Variants in ADGRL3 observed in about 807,000 individuals in gnomAD.
ADGRL3 encodes calcium-independent alpha-latrotoxin receptor 3.
A neutral mutation model predicts 153.5 loss-of-function variants in ADGRL3; 62 were observed. The ratio of observed to expected loss-of-function variants is 0.40; its 90% CI spans 0.33 to 0.50. The LOEUF is 0.50. Ranked by LOEUF, ADGRL3 falls within the 20% of genes least tolerant of loss-of-function variation. The pLI is 0.47. For missense variants in ADGRL3, 1,641 were observed against 1,859.4 expected, an observed-to-expected ratio of 0.88 and a Z score of 2.16; for synonymous variants, 710 against 672.5, an observed-to-expected ratio of 1.06 and a Z score of -0.86.
At chr4:61,997,849 C>T (rs958688380) in intron 20 of ADGRL3, among the ~76,000 whole-genome samples, 3 of 151,974 alleles carry the variant, frequency 2.0e-5, no homozygotes, top group African/African-American at 7.3e-5. Context: ...AGTAACACAC[C>T]TAAAAAAGTA....
intron 1 of ADGRL3, among the ~76,000 whole-genome samples, chr4:61,214,549 T>C (rs1472463067): frequency 1.3e-5 from 2 of 152,200 alleles, no homozygotes; most frequent in Non-Finnish European, 2.9e-5. Context: ...GTCAGAAAAG[T>C]AATTAAACAG....
chr4:61,342,953 G>A (rs2095836070), intron 1 of ADGRL3, among the ~76,000 whole-genome samples: 2 of 152,106 alleles, frequency 1.3e-5, no homozygotes. Flanking sequence ...CAATCATGGT[G>A]GAAGACAAAG....
chr4:61,903,650 C>CAAAAAAAAAAAAAAAAAA (rs55879235), intron 11 of ADGRL3, among the ~76,000 whole-genome samples: 3 of 72,340 alleles, frequency 4.1e-5, no homozygotes, highest in Admixed American at 5.0e-4. Flanking sequence ...TGGGAAACAG[C>CAAAAAAAAAAAAAAAAAA]AAAAAAAAAA....
chr4:61,515,513 G>C (rs1327612451), intron 3 of ADGRL3, among the ~76,000 whole-genome samples: 1 of 151,810 alleles, frequency 6.6e-6, no homozygotes. Flanking sequence ...GTAGCTTTGT[G>C]GTCTGTTTTC....
rs1358209774 is a variant in ADGRL3, at chr4:62,076,814, ACAC to A, written c.*5909_*5911del. The A allele has an allele frequency of 6.6e-6, 1 of 151,830 alleles. No homozygotes were observed. Among genetic ancestry groups the A allele is most frequent in the Non-Finnish European group, 1.5e-5 (1 of 67,840 alleles). 9.4% of individuals were successfully genotyped at this position (151,830 alleles called of 1,614,324 possible). On this transcript the variant is annotated 3_prime_UTR_variant, in exon 27 of 27. Coordinates refer to ENST00000683033, the MANE Select transcript of ADGRL3 (RefSeq NM_001387552.1). ...CTCTCTAATCTGCTGGCTCTATTGA[ACAC>A]CAACAGAGTTAATGCTTTTAGTAGC...
chr4:61,216,890 ACT>A (rs1743048493), intron 1 of ADGRL3, among the ~76,000 whole-genome samples: 1 of 152,176 alleles, frequency 6.6e-6, no homozygotes, highest in Admixed American at 6.5e-5. Flanking sequence ...CTTATTGCAC[ACT>A]GTCTAGATTT....
At chr4:61,625,619 C>G (rs2092787104) in intron 5 of ADGRL3, among the ~76,000 whole-genome samples, 1 of 152,008 alleles carries the variant, frequency 6.6e-6, no homozygotes, top group Non-Finnish European at 1.5e-5. Flanking sequence ...TGTCCCTTCA[C>G]ATACCTTAGA....
intron 1 of ADGRL3, among the ~76,000 whole-genome samples, chr4:61,290,153 C>T (rs2150133022): frequency 6.6e-6 from 1 of 152,136 alleles, no homozygotes; most frequent in South Asian, 2.1e-4. Context: ...ATACTAGGCT[C>T]CATAATTGTA....
intron 2 of ADGRL3, among the ~76,000 whole-genome samples, chr4:61,435,757 A>G (rs992039139): frequency 6.6e-6 from 1 of 152,112 alleles, no homozygotes; most frequent in African/African-American, 2.4e-5. Context: ...CAGTGAAACC[A>G]TCTCAAAGGG....
intron 1 of ADGRL3, among the ~76,000 whole-genome samples, chr4:61,247,791 C>CAAAG (rs1757674680): frequency 6.6e-6 from 1 of 151,776 alleles, no homozygotes; most frequent in African/African-American, 2.4e-5. Context: ...AAATGATACT[C>CAAAG]AAAGGTATCA....
In ADGRL3 at chr4:61,201,203, A is replaced by T. The variant is rs1002560886; in HGVS notation, c.-802A>T. The T allele has an allele frequency of 6.6e-6, 1 of 152,072 alleles. No individual in the cohort carries two copies. The highest frequency in any genetic ancestry group is 1.5e-5 in the Non-Finnish European group (1 of 68,024). The allele number at this position is 152,072 out of a possible 1,614,324, so 9.4% of individuals were successfully genotyped here. A position where few individuals can be genotyped will look rare whatever the true frequency, so the allele number is the denominator to read the frequency against. Reference sequence around the variant, plus strand: ...GGGGGGTGGGGTGGGAGAACTGGATATAAAGATCGGCTGGGGGGATGGTGG... The same window carrying T: ...GGGGGGTGGGGTGGGAGAACTGGATTTAAAGATCGGCTGGGGGGATGGTGG... On this transcript the variant is annotated 5_prime_UTR_variant, in exon 1 of 27. Coordinates refer to ENST00000683033, the MANE Select transcript of ADGRL3 (RefSeq NM_001387552.1).
intron 4 of ADGRL3, among the ~76,000 whole-genome samples, chr4:61,562,301 G>A (rs2098798408): frequency 6.6e-6 from 1 of 152,114 alleles, no homozygotes; most frequent in Admixed American, 6.6e-5. Flanking sequence ...ATTAATCAGG[G>A]TGGTGGTGAA....
intron 21 of ADGRL3, among the ~76,000 whole-genome samples, chr4:62,010,018 G>A (rs946010473): frequency 1.8e-4 from 28 of 152,088 alleles, no homozygotes; most frequent in African/African-American, 6.3e-4. Context: ...GGAGGAGAAG[G>A]CATGGTTTTC....
chr4:61,956,166 G>T (rs1421328402), intron 17 of ADGRL3, among the ~76,000 whole-genome samples: 1 of 152,122 alleles, frequency 6.6e-6, no homozygotes, highest in Non-Finnish European at 1.5e-5. Flanking sequence ...GTGTAAAAGT[G>T]TTCCTATTGC....
intron 2 of ADGRL3, among the ~76,000 whole-genome samples, chr4:61,492,745 G>A (rs967755642): frequency 6.6e-6 from 1 of 151,974 alleles, no homozygotes; most frequent in Non-Finnish European, 1.5e-5. Flanking sequence ...AATTAGCATA[G>A]GTAATAAGTA....
chr4:61,302,375 C>T (rs192934594), intron 1 of ADGRL3, among the ~76,000 whole-genome samples: 1 of 151,786 alleles, frequency 6.6e-6, no homozygotes, highest in Non-Finnish European at 1.5e-5. Flanking sequence ...ACTAGTGGAG[C>T]CTTTGAAGCA....
intron 21 of ADGRL3, among the ~76,000 whole-genome samples, chr4:62,019,493 A>G (rs1184142656): frequency 6.6e-6 from 1 of 152,018 alleles, no homozygotes; most frequent in Non-Finnish European, 1.5e-5. Flanking sequence ...GTAGCTTTTT[A>G]TGTATTTATA....
chr4:61,589,355 T>G (rs2098959912), intron 5 of ADGRL3, among the ~76,000 whole-genome samples: 1 of 152,088 alleles, frequency 6.6e-6, no homozygotes, highest in South Asian at 2.1e-4. Context: ...AGGTTTTATT[T>G]TGTAAGCTCC....
At chr4:61,460,425 A>G (rs942210538) in intron 2 of ADGRL3, among the ~76,000 whole-genome samples, 3 of 152,134 alleles carry the variant, frequency 2.0e-5, no homozygotes, top group African/African-American at 7.2e-5. Context: ...AGTTTATTAT[A>G]TTAAGTGAAA....
Sources: gnomAD v4.1 joint callset for allele counts (sites outside exome capture counted in the v4.1 genomes callset) on GRCh38, gnomAD v4.1.1 for gene constraint, MANE v1.5 for transcripts, NCBI Gene and HGNC (gene_info 2026-07-23, HGNC 2026-07-21) for gene names.